The following KDM4C variants were observed in gnomAD, a reference collection of about 807,000 sequenced individuals.
The protein encoded by KDM4C is lysine-specific demethylase 4C.
In KDM4C, 81 loss-of-function variants were observed where a neutral mutation model predicts 129.3. That is an observed-to-expected ratio of 0.63 (90% CI 0.52 to 0.75). The LOEUF is 0.75. KDM4C is among the 30% of genes least tolerant of loss of function. KDM4C has a pLI of 0.00. For missense variants in KDM4C, 1,457 were observed against 1,304.0 expected, an observed-to-expected ratio of 1.12 and a Z score of -1.81; for synonymous variants, 573 against 456.1, an observed-to-expected ratio of 1.26 and a Z score of -3.26.
intron 1 of KDM4C, among the ~76,000 whole-genome samples, chr9:6,741,757 A>C (rs931935783): frequency 6.8e-6 from 1 of 146,860 alleles, no homozygotes; most frequent in African/African-American, 2.5e-5. Context: ...TAATAGAGAC[A>C]GGGTCTAACT....
intron 2 of KDM4C, among the ~76,000 whole-genome samples, chr9:6,803,917 G>A (rs1829483443): frequency 6.6e-6 from 1 of 152,084 alleles, no homozygotes; most frequent in Non-Finnish European, 1.5e-5. Context: ...CACCTCCTGG[G>A]TTCAAAGTGA....
At position 6,925,337 on chromosome 9, in the gene KDM4C, G is replaced by A. The variant is rs893129403; in HGVS notation, c.921+32105G>A. 26 of 985,254 alleles carry A rather than the reference G, an allele frequency of 2.6e-5. No individual in the cohort carries two copies. The East Asian group carries it at 1.1e-3, about 43-fold the overall frequency. The allele number at this position is 985,254 out of a possible 1,614,324, so 61.0% of individuals were successfully genotyped here. ...AGACACAAGCTTTCATCAGTTGGGC[G>A]TCTTCATTTTCTTTTGGCGAAGAGA... On this transcript the variant is annotated intron_variant, in intron 8 of 21. Coordinates refer to ENST00000381309, the MANE Select transcript of KDM4C (RefSeq NM_015061.6).
At chr9:6,994,649 T>C (rs1487735868) in intron 12 of KDM4C, among the ~76,000 whole-genome samples, 3 of 152,168 alleles carry the variant, frequency 2.0e-5, no homozygotes, top group African/African-American at 7.2e-5. Flanking sequence ...AGGCAATCAG[T>C]AATACTTGAA....
intron 2 of KDM4C, among the ~76,000 whole-genome samples, chr9:6,804,960 G>C (rs1364670544): frequency 2.0e-5 from 3 of 151,704 alleles, no homozygotes; most frequent in Non-Finnish European, 1.5e-5. Flanking sequence ...GAGTGCAGTG[G>C]CGCGATCTCA....
intron 7 of KDM4C, among the ~76,000 whole-genome samples, chr9:6,891,160 G>C (rs1213087444): frequency 6.6e-6 from 1 of 152,174 alleles, no homozygotes; most frequent in East Asian, 1.9e-4. Flanking sequence ...GATGGTCTAG[G>C]TTAGGGATGA....
chr9:7,076,520 A>G (rs1833937514), intron 17 of KDM4C: 1 of 1,545,468 alleles, frequency 6.5e-7, no homozygotes, highest in African/African-American at 1.4e-5. Context: ...TTCATTAGGA[A>G]AGTTACATCC....
chr9:7,162,992 C>G (rs1411511592), intron 19 of KDM4C, among the ~76,000 whole-genome samples: 3 of 152,070 alleles, frequency 2.0e-5, no homozygotes, highest in African/African-American at 7.2e-5. Context: ...TATCTGTTGG[C>G]AAACAGGTTT....
chr9:6,869,264 G>A (rs1161235377), intron 5 of KDM4C, among the ~76,000 whole-genome samples: 1 of 152,138 alleles, frequency 6.6e-6, no homozygotes, highest in Non-Finnish European at 1.5e-5. Flanking sequence ...GGCCATGAAT[G>A]GCATTAAGGG....
chr9:6,860,099 C>G (rs1404422852), intron 5 of KDM4C, among the ~76,000 whole-genome samples: 1 of 152,024 alleles, frequency 6.6e-6, no homozygotes, highest in African/African-American at 2.4e-5. Context: ...GAAACGTGCT[C>G]CTCATTTTGG....
intron 20 of KDM4C, among the ~76,000 whole-genome samples, chr9:7,166,179 G>C (rs995420073): frequency 1.3e-5 from 2 of 152,134 alleles, no homozygotes; most frequent in Admixed American, 6.6e-5. Context: ...TGAAGTAAAA[G>C]GAGAAAAAGC....
intron 8 of KDM4C, among the ~76,000 whole-genome samples, chr9:6,921,832 G>A (rs1821574674): frequency 6.6e-6 from 1 of 151,450 alleles, no homozygotes. Flanking sequence ...CATGACCCTT[G>A]CCCACTCTGT....
Position 7,057,328 on chromosome 9 carries a change from G to T in KDM4C, c.2424+8128G>T, listed in dbSNP as rs566868027. The stretch of plus-strand genomic sequence containing the variant: ...ACAGATACTAGGACTGTTTTAGCCA[G>T]CCATGGGCTGGATTTATTGATCTCA... On this transcript the variant is annotated intron_variant, in intron 17 of 21. Transcript: ENST00000381309. Among the ~76,000 whole-genome samples, 4 of 152,354 alleles carry T rather than the reference G, an allele frequency of 2.6e-5. 1 individual carries two copies. In the South Asian group the frequency reaches 8.3e-4, roughly 32 times the overall value.
rs547255170 is a variant in KDM4C at position 6,952,814 on chromosome 9, C to T, written c.922-28111C>T. On this transcript the variant is annotated intron_variant, in intron 8 of 21. Transcript: ENST00000381309. ...ACATAAGTGCTCTTAGAAAGATGAA[C>T]GTAAGATAAATAGGTTAAATGTGGT... Among the ~76,000 whole-genome samples the T allele has an allele frequency of 8.9e-4, 135 of 152,174 alleles. 3 individuals are homozygous for T. The South Asian group carries it at 0.025, about 28-fold the overall frequency.
intron 4 of KDM4C, among the ~76,000 whole-genome samples, chr9:6,821,708 C>T (rs1049907266): frequency 5.3e-5 from 8 of 151,578 alleles, no homozygotes; most frequent in African/African-American, 7.3e-5. Context: ...TGCAGTGGCG[C>T]GGTCTCAACC....
chr9:6,988,487 C>G (rs1025232340), intron 11 of KDM4C, among the ~76,000 whole-genome samples: 13 of 137,966 alleles, frequency 9.4e-5, no homozygotes, highest in African/African-American at 3.4e-4. Context: ...TGCATGACAT[C>G]CTTTTCTTAC....
chr9:6,958,024 A>G (rs979743963), intron 8 of KDM4C, among the ~76,000 whole-genome samples: 37 of 151,980 alleles, frequency 2.4e-4, no homozygotes, highest in African/African-American at 4.3e-4. Context: ...CGAGGGAGAG[A>G]ACAATTGTAG....
chr9:6,959,782 T>A (rs144183358), intron 8 of KDM4C, among the ~76,000 whole-genome samples: 46 of 152,284 alleles, frequency 3.0e-4, no homozygotes, highest in African/African-American at 1.0e-3. Flanking sequence ...ATGACGGATA[T>A]ATATGTCTTC....
chr9:6,838,912 A>G (rs752087497), intron 4 of KDM4C, among the ~76,000 whole-genome samples: 3 of 152,222 alleles, frequency 2.0e-5, no homozygotes, highest in Non-Finnish European at 4.4e-5. Flanking sequence ...CAATTTAGTT[A>G]TTAGAAGGCA....
chr9:6,923,748 G>T (rs1045493119), intron 8 of KDM4C, among the ~76,000 whole-genome samples: 15 of 152,174 alleles, frequency 9.9e-5, no homozygotes, highest in Non-Finnish European at 1.6e-4. Flanking sequence ...GTATGTATGT[G>T]TGTTGTCATT....
Sources: gnomAD v4.1 joint callset for allele counts (sites outside exome capture counted in the v4.1 genomes callset) on GRCh38, gnomAD v4.1.1 for gene constraint, MANE v1.5 for transcripts, NCBI Gene and HGNC (gene_info 2026-07-23, HGNC 2026-07-21) for gene names.